SLCO3A1: variants seen among roughly 807,000 people sequenced by gnomAD.
SLCO3A1 encodes PGE1 transporter.
Under a neutral mutation model 63.1 loss-of-function variants are expected in SLCO3A1, and 27 were observed. That is an observed-to-expected ratio of 0.43 (90% confidence interval 0.32 to 0.59). SLCO3A1 has a LOEUF of 0.59. Among genes scored for constraint, SLCO3A1 ranks in the 20% least tolerant of loss-of-function variants. The pLI is 0.09. For missense variants in SLCO3A1, 773 were observed against 945.8 expected (o/e 0.82, Z 2.40); for synonymous variants, 473 against 409.9 (o/e 1.15, Z -1.86).
At chr15:91,866,175 G>A (rs1293081582) in intron 1 of SLCO3A1, among the ~76,000 whole-genome samples, 1 of 152,144 alleles carries the variant, frequency 6.6e-6, no homozygotes, top group Non-Finnish European at 1.5e-5. Context: ...CGAATGCTGG[G>A]ATTGGACTGA....
chr15:92,112,698 C>CA (rs2047743971), intron 4 of SLCO3A1, among the ~76,000 whole-genome samples: 1 of 152,182 alleles, frequency 6.6e-6, no homozygotes, highest in South Asian at 2.1e-4. Flanking sequence ...ACTCACTCAC[C>CA]AAATAAGCTT....
rs1047946050 is a variant in SLCO3A1 at position 91,916,722 on chromosome 15, G to A, written c.646+264G>A. Among the ~76,000 whole-genome samples, 2 of 152,210 alleles carry A rather than the reference G, an allele frequency of 1.3e-5. No individual in the cohort carries two copies. Among genetic ancestry groups the A allele is most frequent in the African/African-American group, 4.8e-5 (2 of 41,458 alleles). On this transcript the variant is annotated intron_variant, in intron 2 of 9. Transcript: ENST00000318445. The surrounding 1 kb of genome is among the most constrained non-coding windows in gnomAD (Gnocchi z 6.2). The stretch of plus-strand genomic sequence containing the variant: ...ACCGCTTCAGTGGGAAAACATGATC[G>A]GGAGGAGTTGTATGTTTATCTCTTC...
chr15:91,988,194 G>T (rs1597192509), intron 2 of SLCO3A1, among the ~76,000 whole-genome samples: 2 of 152,222 alleles, frequency 1.3e-5, no homozygotes, highest in African/African-American at 4.8e-5. Context: ...CTTGAGCTCA[G>T]GAGTTTAAGA....
chr15:91,894,057 C>T lies in SLCO3A1; in HGVS notation c.181-21936C>T, dbSNP rs1428737560. Among the ~76,000 whole-genome samples, 1 of 152,130 alleles carries T rather than the reference C, an allele frequency of 6.6e-6. No homozygotes were observed. Among genetic ancestry groups the T allele is most frequent in the Non-Finnish European group, 1.5e-5 (1 of 68,032 alleles). ...TCAGGAGGGGACGTTTGAGCTAAGA[C>T]CTGCCTGGGGAGAAATCAGCCTTGT... On this transcript the variant is annotated intron_variant, in intron 1 of 9. Coordinates refer to ENST00000318445, the MANE Select transcript of SLCO3A1 (RefSeq NM_013272.4). This position sits in a 1 kb window ranked among gnomAD's most constrained non-coding sequence, Gnocchi z 4.8.
rs1231072829 is a variant in SLCO3A1, at chr15:92,163,103, G to C, written c.2101G>C (p.Glu701Gln). 6.5e-7 allele frequency: 1 copy of C among 1,530,340 alleles called. No homozygotes were observed. Among genetic ancestry groups the C allele is most frequent in the Non-Finnish European group, 8.8e-7 (1 of 1,140,920 alleles). The allele number at this position is 1,530,340 out of a possible 1,614,324, so 94.8% of individuals were successfully genotyped here. A position where few individuals can be genotyped will look rare whatever the true frequency, so the allele number is the denominator to read the frequency against. The change falls in exon 10 of 10, where the codon GAG becomes CAG. Residue 701 changes from glutamate (E) to glutamine (Q), a missense_variant. Physicochemically the swap from Glu to Gln is conservative, Grantham distance 29. This residue lies in a region of SLCO3A1 where 139 missense variants were observed against 131.4 expected (regional missense o/e 1.06). Coordinates refer to ENST00000318445, the MANE Select transcript of SLCO3A1 (RefSeq NM_013272.4). ...TKFIYNLEDHEWCENMESVL is the reference protein window; with the variant it reads ...TKFIYNLEDHQWCENMESVL ...GTTTATCTATAACCTGGAAGACCATGAGTGGTGTGAAAACATGGAGTCCGT... is the reference window on the plus strand; with the variant it reads ...GTTTATCTATAACCTGGAAGACCATCAGTGGTGTGAAAACATGGAGTCCGT...
At chr15:92,002,349 A>T (rs1306208222) in intron 2 of SLCO3A1, among the ~76,000 whole-genome samples, 1 of 152,016 alleles carries the variant, frequency 6.6e-6, no homozygotes, top group African/African-American at 2.4e-5. Flanking sequence ...GTGGAAACTC[A>T]CTCTGGAAAG....
chr15:92,025,108 G>C (rs1338804545), intron 2 of SLCO3A1, among the ~76,000 whole-genome samples: 1 of 151,294 alleles, frequency 6.6e-6, no homozygotes, highest in African/African-American at 2.4e-5. Flanking sequence ...CATATTGAGA[G>C]AGAATGATTA....
intron 1 of SLCO3A1, chr15:91,908,786 CA>C (rs11343163): frequency 0.23 from 35,040 of 150,622 alleles, 4,225 homozygotes; most frequent in Middle Eastern, 0.27. Context: ...CTTGGCCGGG[CA>C]CGGTGGCTCA....
chr15:92,025,821 G>A, intron 2 of SLCO3A1, among the ~76,000 whole-genome samples: 1 of 152,226 alleles, frequency 6.6e-6, no homozygotes, highest in Non-Finnish European at 1.5e-5. Context: ...GCCGCGTGAT[G>A]CATGGCAGTA....
rs1249903933 is a variant in SLCO3A1 at position 91,916,265 on chromosome 15, A to G, written c.453A>G (p.Ala151=). 2 of 1,568,142 alleles carry G rather than the reference A, an allele frequency of 1.3e-6. No individual in the cohort carries two copies. The highest frequency in any genetic ancestry group is 1.7e-6 in the Non-Finnish European group (2 of 1,156,682). Residue 151 remains alanine, a synonymous_variant, in exon 2 of 10, where the codon GCA becomes GCG. Transcript: ENST00000318445. This position sits in a 1 kb window ranked among gnomAD's most constrained non-coding sequence, Gnocchi z 6.2. ...GCGCCGAGGGCCGCGACGTCTGCGC[A>G]GCCAACGGCTCGGGCGGCGACGAGG... ...RWGAEGRDVC[A]ANGSGGDEGP...
chr15:92,103,261 A>G (rs1265942023), intron 3 of SLCO3A1, among the ~76,000 whole-genome samples: 2 of 152,134 alleles, frequency 1.3e-5, no homozygotes, highest in Non-Finnish European at 2.9e-5. Flanking sequence ...TTCCAGGGGC[A>G]TGGTTTATTA....
intron 9 of SLCO3A1, 62 bp downstream of exon 9, chr15:92,151,076 T>G (rs369394681): frequency 1.5e-5 from 17 of 1,119,120 alleles, no homozygotes; most frequent in East Asian, 9.5e-5. Context: ...GGTGAGTAAC[T>G]GTCAGTCAAA....
chr15:92,111,934 C>T (rs2047734101), intron 4 of SLCO3A1, among the ~76,000 whole-genome samples: 1 of 152,340 alleles, frequency 6.6e-6, no homozygotes, highest in Non-Finnish European at 1.5e-5. Context: ...TTGATCCTCT[C>T]TGAGATTCAT....
At position 91,882,662 on chromosome 15, in the gene SLCO3A1, A is replaced by G. The variant is rs1343202305; in HGVS notation, c.180+28574A>G. ...CCCGAGTAGCTGGGACCACAGGCGT[A>G]TGCACCACCACCACGTCCAGCTAAC... On this transcript the variant is annotated intron_variant, in intron 1 of 9. Transcript: ENST00000318445. The surrounding 1 kb of genome is among the most constrained non-coding windows in gnomAD (Gnocchi z 4.4). 6.6e-6 allele frequency among the ~76,000 whole-genome samples: 1 copy of G among 152,040 alleles called. No homozygotes were observed. The highest frequency in any genetic ancestry group is 1.5e-5 in the Non-Finnish European group (1 of 68,002).
intron 2 of SLCO3A1, among the ~76,000 whole-genome samples, chr15:92,083,859 A>G (rs1439080311): frequency 1.3e-5 from 2 of 152,138 alleles, no homozygotes; most frequent in East Asian, 1.9e-4. Flanking sequence ...CCTCAAAACA[A>G]TCCTGCGAGG....
intron 1 of SLCO3A1, among the ~76,000 whole-genome samples, chr15:91,884,791 A>AT (rs1170939474): frequency 2.0e-5 from 3 of 151,708 alleles, no homozygotes; most frequent in Admixed American, 6.6e-5. Flanking sequence ...TGGATTACGC[A>AT]TTTTTTTGTA....
chr15:91,978,933 A>G (rs1901225370), intron 2 of SLCO3A1, among the ~76,000 whole-genome samples: 1 of 152,242 alleles, frequency 6.6e-6, no homozygotes, highest in African/African-American at 2.4e-5. Flanking sequence ...AGCATAAGCT[A>G]CTGCTCATAC....
downstream of SLCO3A1, among the ~76,000 whole-genome samples, chr15:92,170,200 A>G (rs2048514064): frequency 6.6e-6 from 1 of 152,166 alleles, no homozygotes; most frequent in Non-Finnish European, 1.5e-5. Flanking sequence ...TGATTTTATA[A>G]TCTAAGGCCA....
chr15:91,884,364 T>G (rs1897669530), intron 1 of SLCO3A1, among the ~76,000 whole-genome samples: 1 of 152,026 alleles, frequency 6.6e-6, no homozygotes, highest in Admixed American at 6.6e-5. Context: ...ATACAAAAAT[T>G]AGCCAGATGT....
Sources: gnomAD v4.1 joint callset for allele counts (sites outside exome capture counted in the v4.1 genomes callset) on GRCh38, gnomAD v4.1.1 for gene constraint, gnomAD v4.1.1 regional missense constraint, Gnocchi (gnomAD v3.1) non-coding constraint, MANE v1.5 for transcripts, NCBI Gene and HGNC (gene_info 2026-07-23, HGNC 2026-07-21) for gene names.